BCAS3: variants seen among roughly 807,000 people sequenced by gnomAD.
BCAS3 encodes the protein BCAS3 microtubule associated cell migration factor, also known as BCAS4/BCAS3 fusion.
Under a neutral mutation model 116.1 loss-of-function variants are expected in BCAS3, and 53 were observed. The observed-to-expected ratio is 0.46, with a 90% confidence interval of 0.37 to 0.57. BCAS3 has a LOEUF of 0.57. Among genes scored for constraint, BCAS3 ranks in the 20% least tolerant of loss-of-function variants. BCAS3 has a pLI of 0.00. For missense variants in BCAS3, 917 were observed against 1,165.4 expected, an observed-to-expected ratio of 0.79 and a Z score of 3.10; for synonymous variants, 391 against 408.2, an observed-to-expected ratio of 0.96 and a Z score of 0.51.
At chr17:61,304,777 G>A (rs2053714179) in intron 22 of BCAS3, among the ~76,000 whole-genome samples, 1 of 150,880 alleles carries the variant, frequency 6.6e-6, no homozygotes, top group Non-Finnish European at 1.5e-5. Context: ...TTTTGAGGCG[G>A]AGTTTCGCTC....
Position 61,105,932 on chromosome 17 carries a change from A to C in BCAS3, c.2425+21368A>C, listed in dbSNP as rs1049009256. ...ACATGTTCAATTTTGTGCCTTTCTGAGTAGCCTGGTGAAATCTTACAGCAT... is the reference window on the plus strand; with the variant it reads ...ACATGTTCAATTTTGTGCCTTTCTGCGTAGCCTGGTGAAATCTTACAGCAT... On this transcript the variant is annotated intron_variant, in intron 22 of 23. Coordinates refer to ENST00000407086, the MANE Select transcript of BCAS3 (RefSeq NM_017679.5). The surrounding 1 kb of genome is among the most constrained non-coding windows in gnomAD (Gnocchi z 4.3). 5.3e-5 allele frequency among the ~76,000 whole-genome samples: 8 copies of C among 152,308 alleles called. No individual in the cohort carries two copies. The highest frequency in any genetic ancestry group is 1.4e-4 in the African/African-American group (6 of 41,574).
rs2077836569 is a variant in BCAS3, at chr17:61,156,324, C to A, written c.2425+71760C>A. Among the ~76,000 whole-genome samples, 2 of 152,144 alleles carry A rather than the reference C, an allele frequency of 1.3e-5. No individual in the cohort carries two copies. Among genetic ancestry groups the A allele is most frequent in the African/African-American group, 4.8e-5 (2 of 41,430 alleles). On this transcript the variant is annotated intron_variant, in intron 22 of 23. Transcript: ENST00000407086. This position sits in a 1 kb window ranked among gnomAD's most constrained non-coding sequence, Gnocchi z 4.7. ...AGGTCTAAAACTGGAATCTCAGGCA[C>A]CTTCTCTTTCCCTCTTCATTTTCTG...
At position 61,199,535 on chromosome 17, in the gene BCAS3, C is replaced by T. The variant is rs1299504750; in HGVS notation, c.2425+114971C>T. ...ATTATCTAATCACATATTTTTTTCC[C>T]TTCTAATTTGTGCCCTGACTGCACC... On this transcript the variant is annotated intron_variant, in intron 22 of 23. Coordinates refer to ENST00000407086, the MANE Select transcript of BCAS3 (RefSeq NM_017679.5). This position sits in a 1 kb window ranked among gnomAD's most constrained non-coding sequence, Gnocchi z 4.6. 6.6e-6 allele frequency among the ~76,000 whole-genome samples: 1 copy of T among 152,058 alleles called. No homozygotes were observed. The highest frequency in any genetic ancestry group is 2.4e-5 in the African/African-American group (1 of 41,410).
chr17:60,977,997 A>T (rs1485701548), intron 14 of BCAS3, among the ~76,000 whole-genome samples: 2 of 141,474 alleles, frequency 1.4e-5, no homozygotes, highest in Non-Finnish European at 2.9e-5. Flanking sequence ...CATGATTTAT[A>T]GTCCTTTGGG....
Position 61,073,975 on chromosome 17 carries a change from A to G in BCAS3, c.2030-945A>G, listed in dbSNP as rs1378418520. ...AAGAAAATATTGGGCAGGCATTGGT[A>G]GCTCATGCCTGTAGTCTCAGCTACT... On this transcript the variant is annotated intron_variant, in intron 19 of 23. Transcript: ENST00000407086. The surrounding 1 kb of genome is among the most constrained non-coding windows in gnomAD (Gnocchi z 4.6). 6.6e-6 allele frequency among the ~76,000 whole-genome samples: 1 copy of G among 152,044 alleles called. No homozygotes were observed. Among genetic ancestry groups the G allele is most frequent in the Non-Finnish European group, 1.5e-5 (1 of 67,982 alleles).
chr17:61,382,309 G>A (rs2059642309), intron 23 of BCAS3, among the ~76,000 whole-genome samples: 1 of 150,552 alleles, frequency 6.6e-6, no homozygotes, highest in Admixed American at 6.6e-5. Flanking sequence ...TGCCCAGGCT[G>A]GAGTGCAATG....
intron 22 of BCAS3, among the ~76,000 whole-genome samples, chr17:61,197,374 A>T (rs1302937229): frequency 1.3e-5 from 2 of 152,226 alleles, no homozygotes; most frequent in Non-Finnish European, 2.9e-5. Flanking sequence ...TAATGAATAC[A>T]TTTATAGGTG....
chr17:61,056,144 G>A lies in BCAS3; in HGVS notation c.2029+15252G>A, dbSNP rs1301722291. 6.6e-6 allele frequency among the ~76,000 whole-genome samples: 1 copy of A among 152,208 alleles called. No homozygotes were observed. Among genetic ancestry groups the A allele is most frequent in the Non-Finnish European group, 1.5e-5 (1 of 68,034 alleles). ...GCCAGAAAGCTTTGCGTATGTACTTGTTCTGTCTCCAGCTCCAAGTGTATA... is the reference window on the plus strand; with the variant it reads ...GCCAGAAAGCTTTGCGTATGTACTTATTCTGTCTCCAGCTCCAAGTGTATA... On this transcript the variant is annotated intron_variant, in intron 19 of 23. Transcript: ENST00000407086. This position sits in a 1 kb window ranked among gnomAD's most constrained non-coding sequence, Gnocchi z 4.9.
At position 61,251,492 on chromosome 17, in the gene BCAS3, C is replaced by T. The variant is rs1467061522; in HGVS notation, c.2426-116835C>T. On this transcript the variant is annotated intron_variant, in intron 22 of 23. Transcript: ENST00000407086. The surrounding 1 kb of genome is among the most constrained non-coding windows in gnomAD (Gnocchi z 4.7). The stretch of plus-strand genomic sequence containing the variant: ...GGCTGAGGCAGGAGAATCACTTGAA[C>T]GCGGGATGCAGAGGTTGCAGTGAGC... Among the ~76,000 whole-genome samples, 2 of 151,764 alleles carry T rather than the reference C, an allele frequency of 1.3e-5. No homozygotes were observed. The highest frequency in any genetic ancestry group is 4.8e-5 in the African/African-American group (2 of 41,308).
intron 7 of BCAS3, among the ~76,000 whole-genome samples, chr17:60,856,158 C>T (rs2053654522): frequency 6.6e-6 from 1 of 152,106 alleles, no homozygotes; most frequent in African/African-American, 2.4e-5. Flanking sequence ...CAAAAACTAC[C>T]ATCTTTTCCA....
At chr17:61,044,327 G>A (rs1280606221) in intron 19 of BCAS3, among the ~76,000 whole-genome samples, 1 of 151,050 alleles carries the variant, frequency 6.6e-6, no homozygotes, top group Non-Finnish European at 1.5e-5. Flanking sequence ...GGCGCCTGTA[G>A]TCCCAGCAAC....
At chr17:61,193,648 TC>T (rs1300343173) in intron 22 of BCAS3, among the ~76,000 whole-genome samples, 1 of 150,504 alleles carries the variant, frequency 6.6e-6, no homozygotes, top group Admixed American at 6.7e-5. Context: ...TCCCAGCTAC[TC>T]TGGAGGCTGA....
intron 6 of BCAS3, among the ~76,000 whole-genome samples, chr17:60,753,626 G>T (rs927408772): frequency 6.6e-6 from 1 of 151,728 alleles, no homozygotes; most frequent in African/African-American, 2.4e-5. Flanking sequence ...AGCCAGGATG[G>T]TCTCGATCAC....
At position 61,070,286 on chromosome 17, in the gene BCAS3, G is replaced by A. The variant is rs772967092; in HGVS notation, c.2030-4634G>A. 9 of 1,410,004 alleles carry A rather than the reference G, an allele frequency of 6.4e-6. No individual in the cohort carries two copies. In the African/African-American group the frequency reaches 8.5e-5, roughly 13 times the overall value. The allele number at this position is 1,410,004 out of a possible 1,614,324, so 87.3% of individuals were successfully genotyped here. A position where few individuals can be genotyped will look rare whatever the true frequency, so the allele number is the denominator to read the frequency against. On this transcript the variant is annotated intron_variant, in intron 19 of 23. Transcript: ENST00000407086. ...GATGGAGAGAAGAAGGCATATGTTC[G>A]ACTGGCTCCTGGTTACGATGCTTTG...
rs142170387 is a variant in BCAS3 at position 61,320,994 on chromosome 17, T to C, written c.2426-47333T>C. 6.6e-5 allele frequency among the ~76,000 whole-genome samples: 10 copies of C among 152,322 alleles called. No homozygotes were observed. In the East Asian group the frequency reaches 1.3e-3, roughly 21 times the overall value. On this transcript the variant is annotated intron_variant, in intron 22 of 23. Coordinates refer to ENST00000407086, the MANE Select transcript of BCAS3 (RefSeq NM_017679.5). Reference sequence around the variant, plus strand: ...TATAGGCAAGGATTATTACTATTAGTTCATTTAATGGATTCTTTTTAAAAA... The same window carrying C: ...TATAGGCAAGGATTATTACTATTAGCTCATTTAATGGATTCTTTTTAAAAA...
At chr17:60,747,412 C>G in intron 6 of BCAS3, 133 bp downstream of exon 6, 1 of 661,170 alleles carries the variant, frequency 1.5e-6, no homozygotes, top group East Asian at 2.5e-5. Context: ...CCACCTCCCC[C>G]AAAGATAAAC....
intron 22 of BCAS3, among the ~76,000 whole-genome samples, chr17:61,262,481 A>G (rs534335553): frequency 1.3e-5 from 2 of 152,088 alleles, no homozygotes; most frequent in East Asian, 3.9e-4. Flanking sequence ...CCTGGATTCA[A>G]GCGATTCTCC....
At chr17:60,684,114 T>A in intron 3 of BCAS3, 78 bp downstream of exon 3, 2 of 1,340,420 alleles carry the variant, frequency 1.5e-6, no homozygotes, top group Non-Finnish European at 2.1e-6. Flanking sequence ...AACTTGACAC[T>A]AGTACCAGCA....
intron 14 of BCAS3, among the ~76,000 whole-genome samples, chr17:60,950,799 A>C (rs930939715): frequency 3.9e-5 from 6 of 152,152 alleles, no homozygotes; most frequent in African/African-American, 1.2e-4. Flanking sequence ...AACATTCTCT[A>C]TATTTTTGTG....
Sources: allele counts gnomAD v4.1 joint callset (sites outside exome capture counted in the v4.1 genomes callset), GRCh38; gene constraint gnomAD v4.1.1; non-coding constraint Gnocchi (gnomAD v3.1); transcripts MANE v1.5; gene names NCBI Gene and HGNC (gene_info 2026-07-23, HGNC 2026-07-21).